Variants in PEX14 observed in about 807,000 individuals in gnomAD.
PEX14 encodes the protein peroxisomal biogenesis factor 14, also known as peroxisomal membrane protein PEX14.
PEX14 carries 15 observed loss-of-function variants against 49.5 expected under a neutral mutation model. That is an observed-to-expected ratio of 0.30 (90% CI 0.20 to 0.47). PEX14 has a LOEUF of 0.47. Among genes scored for constraint, PEX14 ranks in the 20% least tolerant of loss-of-function variants. The probability of loss-of-function intolerance (pLI) is 1.00; values close to 1 mark genes in which losing one functional copy is unlikely to be tolerated. For synonymous variants in PEX14, 210 were observed against 212.7 expected, an observed-to-expected ratio of 0.99 and a Z score of 0.11; for missense variants, 398 against 494.8, an observed-to-expected ratio of 0.80 and a Z score of 1.86.
At position 10,529,697 on chromosome 1, in the gene PEX14, A is replaced by G. The variant is rs945857976; in HGVS notation, c.85-6516A>G. 6.6e-5 allele frequency among the ~76,000 whole-genome samples: 10 copies of G among 152,234 alleles called. No homozygotes were observed. The South Asian group carries it at 8.3e-4, about 13-fold the overall frequency. On this transcript the variant is annotated intron_variant, in intron 2 of 8. Coordinates refer to ENST00000356607, the MANE Select transcript of PEX14 (RefSeq NM_004565.3). The surrounding 1 kb of genome is among the most constrained non-coding windows in gnomAD (Gnocchi z 4.2). ...GTTTTAAGAGAGACTAGGGTCAATA[A>G]TGCATGCTTTAGAATTCCCTAAATA...
At position 10,514,557 on chromosome 1, in the gene PEX14, G is replaced by A. The variant is rs1415806364; in HGVS notation, c.84+19236G>A. Among the ~76,000 whole-genome samples the A allele has an allele frequency of 6.6e-6, 1 of 152,174 alleles. No homozygotes were observed. The highest frequency in any genetic ancestry group is 6.5e-5 in the Admixed American group (1 of 15,282). On this transcript the variant is annotated intron_variant, in intron 2 of 8. Transcript: ENST00000356607. This position sits in a 1 kb window ranked among gnomAD's most constrained non-coding sequence, Gnocchi z 4.4. ...ACTTTGGGCCTAAGACGCAACTCAA[G>A]GGAAAGCCATTGGGGAATGCTCAGT...
chr1:10,611,654 T>A lies in PEX14; in HGVS notation c.299-6678T>A, dbSNP rs1360180028. 2.6e-5 allele frequency among the ~76,000 whole-genome samples: 4 copies of A among 152,366 alleles called. No homozygotes were observed. The East Asian group carries it at 7.7e-4, about 29-fold the overall frequency. On this transcript the variant is annotated intron_variant, in intron 4 of 8. Transcript: ENST00000356607. ...CCATATCTTTGTCAACACCCGATAGTCTCATTTTTGAGTTTAGCCATTCTA... is the reference window on the plus strand; with the variant it reads ...CCATATCTTTGTCAACACCCGATAGACTCATTTTTGAGTTTAGCCATTCTA...
intron 5 of PEX14, among the ~76,000 whole-genome samples, chr1:10,620,316 A>G (rs1161806312): frequency 6.7e-6 from 1 of 148,648 alleles, no homozygotes; most frequent in Non-Finnish European, 1.5e-5. Context: ...AAATAAAATA[A>G]AATAAAATAA....
chr1:10,540,751 G>C (rs1385778913), intron 3 of PEX14, among the ~76,000 whole-genome samples: 1 of 152,122 alleles, frequency 6.6e-6, no homozygotes, highest in Non-Finnish European at 1.5e-5. Context: ...GATAGCTTGG[G>C]GGGAGGGCAC....
intron 3 of PEX14, among the ~76,000 whole-genome samples, chr1:10,581,994 C>T (rs1176903488): frequency 1.9e-5 from 2 of 107,048 alleles, no homozygotes; most frequent in Non-Finnish European, 4.0e-5. Context: ...CTATATCTTG[C>T]CATCCCACTT....
intron 2 of PEX14, among the ~76,000 whole-genome samples, chr1:10,508,105 C>T (rs143155065): frequency 6.6e-6 from 1 of 152,350 alleles, no homozygotes; most frequent in African/African-American, 2.4e-5. Context: ...ACTCCCTCCC[C>T]CTATCCAAAC....
chr1:10,483,922 A>G (rs2124376731), intron 1 of PEX14, among the ~76,000 whole-genome samples: 1 of 102,580 alleles, frequency 9.7e-6, no homozygotes, highest in Non-Finnish European at 2.0e-5. Flanking sequence ...CTAGAATTTC[A>G]TATGAATGAA....
intron 1 of PEX14, among the ~76,000 whole-genome samples, chr1:10,483,664 A>G (rs973918995): frequency 6.6e-6 from 1 of 150,380 alleles, no homozygotes; most frequent in Admixed American, 6.6e-5. Flanking sequence ...TTGACTGACA[A>G]AGTCTTATGG....
At position 10,495,386 on chromosome 1, in the gene PEX14, CCTT is replaced by C. The variant is rs1490307633; in HGVS notation, c.84+68_84+70del. 6.3e-6 allele frequency: 8 copies of C among 1,278,054 alleles called. No homozygotes were observed. Among genetic ancestry groups the C allele is most frequent in the Admixed American group, 3.7e-5 (2 of 54,678 alleles). The allele number at this position is 1,278,054 out of a possible 1,614,324, so 79.2% of individuals were successfully genotyped here. A position where few individuals can be genotyped will look rare whatever the true frequency, so the allele number is the denominator to read the frequency against. The stretch of plus-strand genomic sequence containing the variant: ...AAAATGCCACGCGAGTGAAAAGAAA[CCTT>C]CTGTTCCTATGGTTCTGCGTCAGTA... On this transcript the variant is annotated intron_variant, in intron 2 of 8. Transcript: ENST00000356607. The surrounding 1 kb of genome is among the most constrained non-coding windows in gnomAD (Gnocchi z 4.2).
At chr1:10,516,382 G>A (rs181431784) in intron 2 of PEX14, among the ~76,000 whole-genome samples, 54 of 152,308 alleles carry the variant, frequency 3.5e-4, no homozygotes, top group African/African-American at 1.0e-3. Context: ...TGCAAATGTT[G>A]TCCCACTGGG....
chr1:10,536,567 C>T lies in PEX14; in HGVS notation c.169+270C>T, dbSNP rs10864461. On this transcript the variant is annotated intron_variant, in intron 3 of 8. Transcript: ENST00000356607. Reference sequence around the variant, plus strand: ...AGGCAGCATTCAGTAGCAGAGTCGGCCCATTGGATGAGACTGTGGAGGACT... The same window carrying T: ...AGGCAGCATTCAGTAGCAGAGTCGGTCCATTGGATGAGACTGTGGAGGACT... The T allele has an allele frequency of 0.19, 87,792 of 465,936 alleles. 9,124 individuals are homozygous for T. The highest frequency in any genetic ancestry group is 0.33 in the South Asian group (15,665 of 47,968). 28.9% of individuals were successfully genotyped at this position (465,936 alleles called of 1,614,324 possible). A position where few individuals can be genotyped will look rare whatever the true frequency, so the allele number is the denominator to read the frequency against.
intron 2 of PEX14, among the ~76,000 whole-genome samples, chr1:10,504,778 TCCTTCCCTCC>T (rs1641751295): frequency 6.6e-6 from 1 of 151,872 alleles, no homozygotes; most frequent in Non-Finnish European, 1.5e-5. Flanking sequence ...TTCTCTTCTT[TCCTTCCCTCC>T]CCTCCCCTCC....
At chr1:10,490,000 G>A (rs930136687) in intron 1 of PEX14, among the ~76,000 whole-genome samples, 8 of 152,196 alleles carry the variant, frequency 5.3e-5, no homozygotes, top group Non-Finnish European at 1.0e-4. Flanking sequence ...ATCATGACCC[G>A]AAGTGGAAGT....
chr1:10,616,315 C>T (rs1641414768), intron 4 of PEX14, among the ~76,000 whole-genome samples: 1 of 152,180 alleles, frequency 6.6e-6, no homozygotes, highest in Admixed American at 6.5e-5. Flanking sequence ...CGGGCCTTCT[C>T]CTCCCCTGTG....
chr1:10,489,247 C>T (rs1298117748), intron 1 of PEX14, among the ~76,000 whole-genome samples: 2 of 152,180 alleles, frequency 1.3e-5, no homozygotes, highest in Non-Finnish European at 2.9e-5. Flanking sequence ...TCCCAAAGTG[C>T]TGGGATTACA....
At chr1:10,477,867 C>G (rs1417224076) in intron 1 of PEX14, among the ~76,000 whole-genome samples, 2 of 152,258 alleles carry the variant, frequency 1.3e-5, no homozygotes, top group South Asian at 2.1e-4. Context: ...CAGAGTTGCT[C>G]TGAGGACTAA....
At chr1:10,491,805 C>T (rs780146055) in intron 1 of PEX14, among the ~76,000 whole-genome samples, 23 of 150,798 alleles carry the variant, frequency 1.5e-4, no homozygotes, top group Non-Finnish European at 2.4e-4. Context: ...CTCTGCCTCC[C>T]GAGTAGCTGG....
At chr1:10,612,192 C>T (rs1641293275) in intron 4 of PEX14, among the ~76,000 whole-genome samples, 1 of 152,106 alleles carries the variant, frequency 6.6e-6, no homozygotes, top group Admixed American at 6.5e-5. Flanking sequence ...AGTCAAGGTT[C>T]ATTTTTTTTT....
chr1:10,604,667 G>A (rs1641078807), intron 4 of PEX14, among the ~76,000 whole-genome samples: 2 of 152,146 alleles, frequency 1.3e-5, no homozygotes, highest in Non-Finnish European at 2.9e-5. Context: ...AGCATGGGAT[G>A]AGAGTCAGAG....
Sources: gnomAD v4.1 joint callset for allele counts (sites outside exome capture counted in the v4.1 genomes callset) on GRCh38, gnomAD v4.1.1 for gene constraint, Gnocchi (gnomAD v3.1) non-coding constraint, MANE v1.5 for transcripts, NCBI Gene and HGNC (gene_info 2026-07-23, HGNC 2026-07-21) for gene names.